Variants in ZNF616 observed in about 807,000 individuals in gnomAD.
ZNF616 encodes the protein zinc finger protein 616.
In ZNF616, 5 loss-of-function variants were observed where a neutral mutation model predicts 7.6. That is an observed-to-expected ratio of 0.66 (90% CI 0.34 to 1.38). ZNF616 has a LOEUF of 1.38. Ranked by LOEUF, ZNF616 falls within the 40% of genes most tolerant of loss-of-function variation. The pLI is 0.04. For synonymous variants in ZNF616, 319 were observed against 317.2 expected, an observed-to-expected ratio of 1.01 and a Z score of -0.06; for missense variants, 913 against 948.3, an observed-to-expected ratio of 0.96 and a Z score of 0.49.
intron 2 of ZNF616, among the ~76,000 whole-genome samples, chr19:52,129,688 G>T (rs1568561934): frequency 6.6e-6 from 1 of 151,998 alleles, no homozygotes; most frequent in Non-Finnish European, 1.5e-5. Flanking sequence ...TCAATTCCCT[G>T]TCATTAAGGC....
intron 3 of ZNF616, among the ~76,000 whole-genome samples, 166 bp downstream of exon 3, chr19:52,123,757 T>C (rs187119804): frequency 2.0e-5 from 3 of 152,334 alleles, no homozygotes; most frequent in Admixed American, 6.5e-5. Context: ...AGAATATATA[T>C]ACAAAGGTGA....
intron 2 of ZNF616, among the ~76,000 whole-genome samples, chr19:52,128,562 G>A (rs1187943018): frequency 6.6e-6 from 1 of 151,802 alleles, no homozygotes; most frequent in Non-Finnish European, 1.5e-5. Context: ...GACCAACATA[G>A]AGAAACTCTG....
chr19:52,127,694 C>T (rs2088921762), intron 2 of ZNF616, among the ~76,000 whole-genome samples: 2 of 152,094 alleles, frequency 1.3e-5, no homozygotes, highest in South Asian at 4.1e-4. Flanking sequence ...TTAAACTGTC[C>T]AACCTGAAGG....
chr19:52,130,626 C>T (rs1445012375), intron 1 of ZNF616, 38 bp from the exon 2 acceptor site: 31 of 1,457,190 alleles, frequency 2.1e-5, no homozygotes, highest in Non-Finnish European at 1.8e-5. Context: ...TGCTTGGAAA[C>T]AACACATTCC....
rs56888616 is a variant in ZNF616, at chr19:52,120,332, A to G, written c.140-3308T>C. Among the ~76,000 whole-genome samples, 1,327 of 152,318 alleles carry G rather than the reference A, an allele frequency of 8.7e-3. 20 individuals carry two copies. The highest frequency in any genetic ancestry group is 0.03 in the African/African-American group (1,263 of 41,564). ...CAAAGAATGTATAGAAGACACACAC[A>G]ATGGAAATAAAAGTATGTCAAGACA... On this transcript the variant is annotated intron_variant, in intron 3 of 3. Coordinates refer to ENST00000600228, the MANE Select transcript of ZNF616 (RefSeq NM_178523.5).
In ZNF616 at chr19:52,114,764, A is replaced by G; in HGVS notation, c.*54T>C. On this transcript the variant is annotated 3_prime_UTR_variant, in exon 4 of 4. Coordinates refer to ENST00000600228, the MANE Select transcript of ZNF616 (RefSeq NM_178523.5). ...ATTTCAAGAGAAGGGGTAAATATAC[A>G]AGGTATATCAGTAAGTAGGAATTAT... 6.6e-7 allele frequency: 1 copy of G among 1,504,048 alleles called. No individual in the cohort carries two copies. Among genetic ancestry groups the G allele is most frequent in the South Asian group, 1.4e-5 (1 of 73,890 alleles). The allele number at this position is 1,504,048 out of a possible 1,614,324, so 93.2% of individuals were successfully genotyped here.
intron 3 of ZNF616, among the ~76,000 whole-genome samples, chr19:52,123,212 T>C (rs989859129): frequency 1.3e-5 from 2 of 152,158 alleles, no homozygotes; most frequent in Non-Finnish European, 2.9e-5. Context: ...CAAAGTTCAT[T>C]TACAATACAT....
rs1282527053 is a variant in ZNF616, at chr19:52,113,969, G to A, written c.*849C>T. ...AATACTCTTTCCATTTTGATGTTCG[G>A]GTAAAAACCTTAGCATGCACATTAC... On this transcript the variant is annotated 3_prime_UTR_variant, in exon 4 of 4. Coordinates refer to ENST00000600228, the MANE Select transcript of ZNF616 (RefSeq NM_178523.5). 1 of 152,000 alleles carries A rather than the reference G, an allele frequency of 6.6e-6. No individual in the cohort carries two copies. Among genetic ancestry groups the A allele is most frequent in the South Asian group, 2.1e-4 (1 of 4,818 alleles). 9.4% of individuals were successfully genotyped at this position (152,000 alleles called of 1,614,324 possible). A position where few individuals can be genotyped will look rare whatever the true frequency, so the allele number is the denominator to read the frequency against.
Position 52,131,264 on chromosome 19 carries a change from C to CAAAAA in ZNF616, c.-76-681_-76-677dup, listed in dbSNP as rs61359785. Reference sequence around the variant, plus strand: ...GCCTGGGCGACAGAGACTCTGTCACCAAAAAAAAAAAAAAAAAAAAAAAAA... The same window carrying CAAAAA: ...GCCTGGGCGACAGAGACTCTGTCACCAAAAAAAAAAAAAAAAAAAAAAAAAAAAAA... On this transcript the variant is annotated intron_variant, in intron 1 of 3. Transcript: ENST00000600228. Among the ~76,000 whole-genome samples, 269 of 39,758 alleles carry CAAAAA rather than the reference C, an allele frequency of 6.8e-3. 15 individuals carry two copies. The highest frequency in any genetic ancestry group is 0.023 in the African/African-American group (257 of 11,382). 26.1% of individuals were successfully genotyped at this position (39,758 alleles called of 152,430 possible).
Position 52,130,559 on chromosome 19 carries a change from T to G in ZNF616, c.-47A>C, listed in dbSNP as rs1360731671. 2 of 1,591,692 alleles carry G rather than the reference T, an allele frequency of 1.3e-6. No individual in the cohort carries two copies. The highest frequency in any genetic ancestry group is 1.7e-6 in the Non-Finnish European group (2 of 1,171,452). ...CTTCTTCCTCTTCTGGGTTTCTTTC[T>G]CAGTCAATGTAATTATTCACACATC... On this transcript the variant is annotated 5_prime_UTR_variant, in exon 2 of 4. Coordinates refer to ENST00000600228, the MANE Select transcript of ZNF616 (RefSeq NM_178523.5).
In ZNF616 at chr19:52,117,138, A is replaced by C. The variant is rs577398835; in HGVS notation, c.140-114T>G. On this transcript the variant is annotated intron_variant, in intron 3 of 3. Coordinates refer to ENST00000600228, the MANE Select transcript of ZNF616 (RefSeq NM_178523.5). ...ATAATCTTTATACTAGACAGGTGTG[A>C]GAGTTCTCCACCATGATCTTTTATT... 23 of 830,472 alleles carry C rather than the reference A, an allele frequency of 2.8e-5. No homozygotes were observed. In the African/African-American group the frequency reaches 3.7e-4, roughly 13 times the overall value. 51.4% of individuals were successfully genotyped at this position (830,472 alleles called of 1,614,324 possible).
At position 52,115,855 on chromosome 19, in the gene ZNF616, A is replaced by G; in HGVS notation, c.1309T>C (p.Tyr437His). Residue 437 changes from tyrosine to histidine, a missense_variant, in exon 4 of 4, where the codon TAC (tyrosine) becomes CAC (histidine). Transcript: ENST00000600228. Reference protein sequence around the residue: ...HQRIHTGQKTYKCNKCGKVYS... With the variant: ...HQRIHTGQKTHKCNKCGKVYS... ...ACCTTGCCACATTTATTGCATTTGT[A>G]AGTTTTCTGTCCAGTATGAATTCTC... The G allele has an allele frequency of 6.2e-7, 1 of 1,614,074 alleles. No homozygotes were observed. The highest frequency in any genetic ancestry group is 1.1e-5 in the South Asian group (1 of 91,080).
intron 1 of ZNF616, among the ~76,000 whole-genome samples, chr19:52,131,111 C>T (rs1232806973): frequency 3.3e-5 from 5 of 151,812 alleles, no homozygotes; most frequent in Non-Finnish European, 7.4e-5. Flanking sequence ...CTACCAAAAA[C>T]ACAAAAATTA....
intron 2 of ZNF616, among the ~76,000 whole-genome samples, chr19:52,126,033 A>T (rs984431519): frequency 3.3e-5 from 5 of 152,182 alleles, no homozygotes; most frequent in African/African-American, 1.2e-4. Flanking sequence ...AATCTAGGGT[A>T]GTTGATTGGA....
chr19:52,128,859 A>AG, intron 2 of ZNF616, among the ~76,000 whole-genome samples: 1 of 152,080 alleles, frequency 6.6e-6, no homozygotes, highest in East Asian at 1.9e-4. Flanking sequence ...GTAAAAAAAA[A>AG]AGTCATTAGA....
Position 52,113,827 on chromosome 19 carries a change from G to A in ZNF616, c.*991C>T. 6.7e-6 allele frequency: 1 copy of A among 149,710 alleles called. No individual in the cohort carries two copies. The highest frequency in any genetic ancestry group is 1.5e-5 in the Non-Finnish European group (1 of 68,042). The allele number at this position is 149,710 out of a possible 1,614,324, so 9.3% of individuals were successfully genotyped here. On this transcript the variant is annotated 3_prime_UTR_variant, in exon 4 of 4. Transcript: ENST00000600228. ...CTATGGCTGCATAGTATCCCATGGTGTATATGTACCACATTTTCTTTATTC... is the reference window on the plus strand; with the variant it reads ...CTATGGCTGCATAGTATCCCATGGTATATATGTACCACATTTTCTTTATTC...
At chr19:52,131,264 CAAAAAAAAAAAA>C (rs61359785) in intron 1 of ZNF616, among the ~76,000 whole-genome samples, 1,040 of 39,774 alleles carry the variant, frequency 0.026, 28 homozygotes, top group African/African-American at 0.086. Context: ...ACTCTGTCAC[CAAAAAAAAAAAA>C]AAAAAAAAAA....
intron 2 of ZNF616, among the ~76,000 whole-genome samples, chr19:52,128,677 G>A (rs1354410459): frequency 2.0e-5 from 3 of 151,544 alleles, no homozygotes; most frequent in East Asian, 1.9e-4. Context: ...GGGAGGCGGA[G>A]GCTGCAGTGA....
At chr19:52,131,059 G>C (rs1478221534) in intron 1 of ZNF616, among the ~76,000 whole-genome samples, 1 of 152,122 alleles carries the variant, frequency 6.6e-6, no homozygotes, top group Non-Finnish European at 1.5e-5. Flanking sequence ...CCTGAGGTCA[G>C]GAATTCGAGA....
Sources: gnomAD v4.1 joint callset for allele counts (sites outside exome capture counted in the v4.1 genomes callset) on GRCh38, gnomAD v4.1.1 for gene constraint, MANE v1.5 for transcripts, NCBI Gene and HGNC (gene_info 2026-07-23, HGNC 2026-07-21) for gene names.